The following HERC2 variants were observed in gnomAD, a reference collection of about 807,000 sequenced individuals.
HERC2 encodes the protein HECT and RLD domain containing E3 ubiquitin protein ligase 2.
A neutral mutation model predicts 537.7 loss-of-function variants in HERC2; 102 were observed. The ratio of observed to expected loss-of-function variants is 0.19; its 90% CI spans 0.16 to 0.22. HERC2 has a LOEUF of 0.22. Among genes scored for constraint, HERC2 ranks in the 10% least tolerant of loss-of-function variants. The probability of loss-of-function intolerance (pLI) is 1.00; values close to 1 mark genes in which losing one functional copy is unlikely to be tolerated. For synonymous variants in HERC2, 2,224 were observed against 2,466.2 expected, an observed-to-expected ratio of 0.90 and a Z score of 2.91; for missense variants, 4,236 against 6,198.2, an observed-to-expected ratio of 0.68 and a Z score of 10.63.
At chr15:28,272,133 C>T (rs2075747097) in intron 9 of HERC2, 82 bp downstream of exon 9, 13 of 1,259,290 alleles carry the variant, frequency 1.0e-5, no homozygotes, top group Non-Finnish European at 1.1e-5. Context: ...AAAACACTGC[C>T]GTTGACATGC....
chr15:28,249,128 T>C (rs924638921), intron 20 of HERC2, among the ~76,000 whole-genome samples: 10 of 152,206 alleles, frequency 6.6e-5, no homozygotes, highest in African/African-American at 9.6e-5. Flanking sequence ...TCTGACCCTC[T>C]AGAAAGAACA....
intron 5 of HERC2, among the ~76,000 whole-genome samples, chr15:28,277,082 A>T (rs1445551946): frequency 6.6e-6 from 1 of 152,014 alleles, no homozygotes; most frequent in Non-Finnish European, 1.5e-5. Context: ...GTCTCCAAAA[A>T]TTATAATAAT....
intron 69 of HERC2, among the ~76,000 whole-genome samples, chr15:28,162,748 G>A (rs1893737208): frequency 6.6e-6 from 1 of 152,032 alleles, no homozygotes; most frequent in Admixed American, 6.6e-5. Context: ...AAAATTAGCC[G>A]GGCATGGTGG....
intron 2 of HERC2, among the ~76,000 whole-genome samples, chr15:28,301,756 T>C (rs1330931927): frequency 8.3e-6 from 1 of 120,126 alleles, no homozygotes; most frequent in African/African-American, 3.3e-5. Context: ...TATATATATA[T>C]ATATATATAT....
chr15:28,125,695 C>T (rs1055240443), intron 83 of HERC2, among the ~76,000 whole-genome samples: 20 of 151,748 alleles, frequency 1.3e-4, no homozygotes, highest in Admixed American at 3.9e-4. Context: ...TTTTTTGAGA[C>T]AGGGTCTCAC....
chr15:28,269,762 C>A (rs541890152), intron 10 of HERC2, among the ~76,000 whole-genome samples: 7 of 152,344 alleles, frequency 4.6e-5, no homozygotes, highest in Admixed American at 4.6e-4. Flanking sequence ...CAGGCAAAAT[C>A]CCAAAAGCCC....
intron 69 of HERC2, among the ~76,000 whole-genome samples, chr15:28,155,456 T>C (rs958540673): frequency 1.3e-5 from 2 of 152,212 alleles, no homozygotes; most frequent in African/African-American, 4.8e-5. Flanking sequence ...ACGATCGCCA[T>C]TCTAACTGGT....
intron 2 of HERC2, 22 bp downstream of exon 2, chr15:28,321,340 A>G (rs2077223856): frequency 1.3e-6 from 1 of 742,172 alleles, no homozygotes; most frequent in Admixed American, 1.9e-5. Flanking sequence ...ACACACCAAG[A>G]AAAAGACATG....
chr15:28,132,042 T>C, intron 81 of HERC2, 58 bp downstream of exon 81: 9 of 1,301,734 alleles, frequency 6.9e-6, no homozygotes, highest in Non-Finnish European at 6.9e-6. Flanking sequence ...AGAGGGGCCC[T>C]GGGGGCCCGA....
chr15:28,317,308 T>C (rs1427665858), intron 2 of HERC2, among the ~76,000 whole-genome samples: 1 of 152,194 alleles, frequency 6.6e-6, no homozygotes, highest in African/African-American at 2.4e-5. Context: ...AGGCTGGTTT[T>C]GAACTCCTGA....
chr15:28,167,974 C>G (rs1322175737), intron 67 of HERC2, 147 bp from the exon 68 acceptor site: 3 of 847,278 alleles, frequency 3.5e-6, no homozygotes, highest in Non-Finnish European at 5.4e-6. Flanking sequence ...ATGGTGCCCA[C>G]CAGACATAGC....
At chr15:28,245,827 GTT>G in intron 23 of HERC2, 52 bp downstream of exon 23, 1 of 1,433,270 alleles carries the variant, frequency 7.0e-7, no homozygotes. Context: ...GCAAGAATAG[GTT>G]AGACAAGGAC....
chr15:28,301,648 G>A (rs2076626805), intron 2 of HERC2, among the ~76,000 whole-genome samples: 1 of 132,992 alleles, frequency 7.5e-6, no homozygotes, highest in Admixed American at 7.8e-5. Context: ...AAAAAAAAAA[G>A]CCATTTTTAA....
Position 28,292,931 on chromosome 15 carries a change from C to G in HERC2, c.279G>C (p.Arg93Ser), listed in dbSNP as rs1295777142. 1.9e-6 allele frequency: 3 copies of G among 1,610,952 alleles called. No individual in the cohort carries two copies. In the South Asian group the frequency reaches 3.3e-5, roughly 18 times the overall value. ...CCCAGCTGTCCAGAATTGACTTGGC[C>G]CTATATATAGGTGCAGGAGTTTCTT... is the stretch of plus-strand genomic sequence containing the variant. ...DEEETPAPIYRAKSILDSWVW... is the reference protein window; with the variant it reads ...DEEETPAPIYSAKSILDSWVW... Residue 93 changes from arginine (R) to serine (S), a missense_variant, in exon 4 of 93, where the codon AGG becomes AGC. Around this residue, in one of 27 missense-constraint regions of HERC2, gnomAD observed 491 missense variants for 559.3 expected, o/e 0.88. Transcript: ENST00000261609.
At chr15:28,143,833 A>C in intron 74 of HERC2, 40 bp downstream of exon 74, 2 of 1,612,684 alleles carry the variant, frequency 1.2e-6, no homozygotes, top group Admixed American at 3.3e-5. Flanking sequence ...TTATTCCCCA[A>C]GGGTCACAAA....
chr15:28,125,408 A>G (rs12438034), intron 83 of HERC2, among the ~76,000 whole-genome samples: 129,282 of 152,176 alleles, frequency 0.85, 58,340 homozygotes, highest in Non-Finnish European at 0.99. Context: ...AGAGGCGAGT[A>G]TACTTCCCAG....
At chr15:28,235,547 C>T (rs1004537767) in intron 26 of HERC2, among the ~76,000 whole-genome samples, 2 of 152,274 alleles carry the variant, frequency 1.3e-5, no homozygotes, top group South Asian at 2.1e-4. Context: ...AAGCCTTCTG[C>T]GACACCCACT....
chr15:28,315,052 C>T (rs1461464127), intron 2 of HERC2, among the ~76,000 whole-genome samples: 1 of 152,186 alleles, frequency 6.6e-6, no homozygotes, highest in African/African-American at 2.4e-5. Flanking sequence ...GTGCTGACTC[C>T]TATGTTACTG....
intron 92 of HERC2, among the ~76,000 whole-genome samples, chr15:28,112,816 A>G (rs928863002): frequency 6.6e-6 from 1 of 152,232 alleles, no homozygotes; most frequent in Non-Finnish European, 1.5e-5. Flanking sequence ...TTTGAAATCT[A>G]GAGCAGGCTG....
Sources: gnomAD v4.1 joint callset for allele counts (sites outside exome capture counted in the v4.1 genomes callset) on GRCh38, gnomAD v4.1.1 for gene constraint, gnomAD v4.1.1 regional missense constraint, MANE v1.5 for transcripts, NCBI Gene and HGNC (gene_info 2026-07-23, HGNC 2026-07-21) for gene names.